Variants in TMEM232 observed in about 807,000 individuals in gnomAD.
TMEM232 encodes the protein transmembrane protein 232.
Under a neutral mutation model 78.8 loss-of-function variants are expected in TMEM232, and 80 were observed. The ratio of observed to expected loss-of-function variants is 1.01; its 90% CI spans 0.85 to 1.22. TMEM232 has a LOEUF of 1.22. Ranked by LOEUF, TMEM232 falls within the 50% of genes most tolerant of loss-of-function variation. The pLI is 0.00. For missense variants in TMEM232, 881 were observed against 742.2 expected, an observed-to-expected ratio of 1.19 and a Z score of -2.17; for synonymous variants, 297 against 254.3, an observed-to-expected ratio of 1.17 and a Z score of -1.60.
Position 110,483,354 on chromosome 5 carries a change from T to A in TMEM232, c.1703+45234A>T, listed in dbSNP as rs1167735845. Among the ~76,000 whole-genome samples, 3 of 152,036 alleles carry A rather than the reference T, an allele frequency of 2.0e-5. No homozygotes were observed. The East Asian group carries it at 5.8e-4, about 29-fold the overall frequency. ...CTCACACAACTCTGAATACCTAATA[T>A]TAAAAAGTCAAAAAATAATAGATGT... is the stretch of plus-strand genomic sequence containing the variant. On this transcript the variant is annotated intron_variant, in intron 12 of 13. Coordinates refer to ENST00000455884, the MANE Select transcript of TMEM232 (RefSeq NM_001039763.4).
chr5:110,446,569 C>G (rs908487599), intron 12 of TMEM232, among the ~76,000 whole-genome samples: 6 of 152,066 alleles, frequency 3.9e-5, no homozygotes, highest in African/African-American at 1.4e-4. Context: ...TTTTCAGCCT[C>G]TGAGTGACTC....
chr5:110,478,255 A>G (rs1763467045), intron 12 of TMEM232, among the ~76,000 whole-genome samples: 1 of 151,962 alleles, frequency 6.6e-6, no homozygotes. Context: ...ATGTTAATGA[A>G]ATATTAAAAA....
intron 1 of TMEM232, among the ~76,000 whole-genome samples, chr5:110,671,829 G>T (rs957805826): frequency 3.3e-5 from 5 of 152,098 alleles, no homozygotes; most frequent in African/African-American, 1.2e-4. Flanking sequence ...AACCACCATG[G>T]CATGTACATA....
chr5:110,482,441 C>T (rs1195684478), intron 12 of TMEM232, among the ~76,000 whole-genome samples: 4 of 151,732 alleles, frequency 2.6e-5, no homozygotes, highest in East Asian at 1.9e-4. Flanking sequence ...ATTAGCCAGG[C>T]GTGGTGGTGG....
At chr5:110,610,523 C>G (rs1782126750) in intron 8 of TMEM232, 1 of 455,734 alleles carries the variant, frequency 2.2e-6, no homozygotes. Context: ...TGTAGACCAG[C>G]AGCCATAGTA....
intron 1 of TMEM232, among the ~76,000 whole-genome samples, chr5:110,698,753 T>C (rs923092475): frequency 3.9e-5 from 6 of 152,080 alleles, no homozygotes; most frequent in African/African-American, 1.4e-4. Flanking sequence ...TATCCCTTTG[T>C]TCTAAATTGC....
chr5:110,661,584 T>A (rs1472890016), intron 2 of TMEM232, among the ~76,000 whole-genome samples: 1 of 152,184 alleles, frequency 6.6e-6, no homozygotes, highest in African/African-American at 2.4e-5. Context: ...AATGCTGGGA[T>A]AACAGGTGCC....
rs192342377 is a variant in TMEM232 at position 110,628,448 on chromosome 5, T to A, written c.502-568A>T. 3.3e-5 allele frequency among the ~76,000 whole-genome samples: 5 copies of A among 152,196 alleles called. 1 individual carries two copies. In the East Asian group the frequency reaches 9.7e-4, roughly 29 times the overall value. On this transcript the variant is annotated intron_variant, in intron 5 of 13. Transcript: ENST00000455884. ...TCATGAAAAAAGACCTCTCACAGGGTCATTATTAAATAAGCAATGCAAAAT... is the reference window on the plus strand; with the variant it reads ...TCATGAAAAAAGACCTCTCACAGGGACATTATTAAATAAGCAATGCAAAAT...
rs138048733 is a variant in TMEM232, at chr5:110,398,227, T to C, written n.309-373A>G. On this transcript the variant is annotated intron_variant and non_coding_transcript_variant, in intron 2 of 8. Transcript: ENST00000507188. ...TTACAAATCTGTGGAGAACGAAAAA[T>C]GGGTCCACAATCTTATACTGATGGG... is the stretch of plus-strand genomic sequence containing the variant. 2.0e-5 allele frequency among the ~76,000 whole-genome samples: 3 copies of C among 152,152 alleles called. No homozygotes were observed. The East Asian group carries it at 5.8e-4, about 29-fold the overall frequency.
intron 1 of TMEM232, among the ~76,000 whole-genome samples, chr5:110,700,230 T>C (rs930341324): frequency 6.6e-6 from 1 of 152,070 alleles, no homozygotes; most frequent in African/African-American, 2.4e-5. Flanking sequence ...TAGACTATTA[T>C]ATTGAAAGAT....
chr5:110,675,538 T>C lies in TMEM232; in HGVS notation c.-12-8174A>G, dbSNP rs143016918. ...CTTCATTTCTACAACTGCATGGAGC[T>C]GTATTCTGCCAACCATCTGGATGAT... On this transcript the variant is annotated intron_variant, in intron 1 of 13. Coordinates refer to ENST00000455884, the MANE Select transcript of TMEM232 (RefSeq NM_001039763.4). Among the ~76,000 whole-genome samples, 6 of 152,276 alleles carry C rather than the reference T, an allele frequency of 3.9e-5. No individual in the cohort carries two copies. In the East Asian group the frequency reaches 1.2e-3, roughly 29 times the overall value.
chr5:110,460,963 A>T (rs1761460320), intron 12 of TMEM232, among the ~76,000 whole-genome samples: 1 of 151,944 alleles, frequency 6.6e-6, no homozygotes, highest in Non-Finnish European at 1.5e-5. Flanking sequence ...TTTTTCCCCC[A>T]TCTCTCCCCC....
chr5:110,632,948 T>C (rs567416941), intron 5 of TMEM232, among the ~76,000 whole-genome samples: 4 of 152,196 alleles, frequency 2.6e-5, no homozygotes, highest in Non-Finnish European at 1.5e-5. Context: ...AGTCAAACTG[T>C]CTAAAGTCAA....
intron 1 of TMEM232, among the ~76,000 whole-genome samples, chr5:110,687,589 T>C (rs1439633212): frequency 2.6e-5 from 4 of 152,128 alleles, no homozygotes; most frequent in African/African-American, 7.2e-5. Flanking sequence ...TCCTGGAGCA[T>C]AAGGTTTGAG....
chr5:110,654,858 C>A (rs1788815520), intron 2 of TMEM232, among the ~76,000 whole-genome samples: 1 of 152,108 alleles, frequency 6.6e-6, no homozygotes, highest in Non-Finnish European at 1.5e-5. Context: ...TGAAGAGGCC[C>A]TTCACGTCCC....
chr5:110,457,329 A>G (rs1435440763), intron 12 of TMEM232, among the ~76,000 whole-genome samples: 1 of 152,116 alleles, frequency 6.6e-6, no homozygotes, highest in East Asian at 1.9e-4. Context: ...CTGCAAACCT[A>G]TAAGAATGGC....
At chr5:110,450,338 G>GT (rs1341103470) in intron 12 of TMEM232, among the ~76,000 whole-genome samples, 3 of 151,504 alleles carry the variant, frequency 2.0e-5, no homozygotes, top group Non-Finnish European at 2.9e-5. Flanking sequence ...GCCTGGAGCT[G>GT]TTTTTTCAGA....
intron 5 of TMEM232, among the ~76,000 whole-genome samples, chr5:110,630,883 C>T (rs900233439): frequency 1.3e-5 from 2 of 152,020 alleles, no homozygotes; most frequent in Admixed American, 1.3e-4. Context: ...TGGCAGAGCT[C>T]GTCTACCCAC....
chr5:110,630,380 C>T (rs1341659896), intron 5 of TMEM232, among the ~76,000 whole-genome samples: 2 of 152,110 alleles, frequency 1.3e-5, no homozygotes, highest in Non-Finnish European at 2.9e-5. Context: ...ATGGGAAATA[C>T]CTGAGACACA....
Sources: allele counts gnomAD v4.1 joint callset (sites outside exome capture counted in the v4.1 genomes callset), GRCh38; gene constraint gnomAD v4.1.1; transcripts MANE v1.5; gene names NCBI Gene and HGNC (gene_info 2026-07-23, HGNC 2026-07-21).